The following GDI2 variants were observed in gnomAD, a reference collection of about 807,000 sequenced individuals.
The protein encoded by GDI2 is rab GDP dissociation inhibitor beta.
GDI2 carries 22 observed loss-of-function variants against 54.2 expected under a neutral mutation model. The observed-to-expected ratio is 0.41, with a 90% CI of 0.29 to 0.58. The LOEUF (loss-of-function observed/expected upper bound fraction) is 0.58. GDI2 is among the 20% of genes least tolerant of loss of function. The probability of loss-of-function intolerance (pLI) is 0.35; values close to 1 mark genes in which losing one functional copy is unlikely to be tolerated. For missense variants in GDI2, 422 were observed against 546.0 expected (o/e 0.77, Z 2.26); for synonymous variants, 177 against 182.1 (o/e 0.97, Z 0.23).
chr10:5,776,742 C>T lies in GDI2; in HGVS notation c.720-2801G>A. 2 of 1,510,916 alleles carry T rather than the reference C, an allele frequency of 1.3e-6. No homozygotes were observed. The highest frequency in any genetic ancestry group is 9.2e-7 in the Non-Finnish European group (1 of 1,090,736). 93.6% of individuals were successfully genotyped at this position (1,510,916 alleles called of 1,614,324 possible). The stretch of plus-strand genomic sequence containing the variant: ...GCCTCTTTAACCTGGCAGAAGTTTG[C>T]AGCAAATACCAGGAAAGCCAAGGAC... On this transcript the variant is annotated intron_variant, in intron 6 of 10. Coordinates refer to ENST00000380191, the MANE Select transcript of GDI2 (RefSeq NM_001494.4). The surrounding 1 kb of genome is among the most constrained non-coding windows in gnomAD (Gnocchi z 5.3).
At chr10:5,787,556 A>G (rs1257980103) in intron 4 of GDI2, among the ~76,000 whole-genome samples, 1 of 152,194 alleles carries the variant, frequency 6.6e-6, no homozygotes. Flanking sequence ...GACTACATTT[A>G]ATTTTTTAAA....
At chr10:5,789,281 T>C (rs1169839282) in intron 4 of GDI2, among the ~76,000 whole-genome samples, 2 of 151,698 alleles carry the variant, frequency 1.3e-5, no homozygotes, top group Non-Finnish European at 2.9e-5. Flanking sequence ...CTATTTCTTG[T>C]AGATACAGGG....
chr10:5,792,575 A>G (rs1564395457), intron 4 of GDI2, among the ~76,000 whole-genome samples: 1 of 152,052 alleles, frequency 6.6e-6, no homozygotes, highest in African/African-American at 2.4e-5. Flanking sequence ...TAAGGTAGTG[A>G]TTTGGTCAAA....
rs1443241577 is a variant in GDI2 at position 5,785,292 on chromosome 10, G to A, written c.588-19C>T. On this transcript the variant is annotated intron_variant, in intron 5 of 10. Coordinates refer to ENST00000380191, the MANE Select transcript of GDI2 (RefSeq NM_001494.4). The stretch of plus-strand genomic sequence containing the variant: ...TAAGTAACTGGAAGAAAGGAAATGA[G>A]TATTAGGAAAGGGCTTTAGTTTTCA... 6.4e-7 allele frequency: 1 copy of A among 1,551,298 alleles called. No homozygotes were observed. The highest frequency in any genetic ancestry group is 8.8e-7 in the Non-Finnish European group (1 of 1,132,578).
chr10:5,811,157 C>T (rs1001500905), intron 1 of GDI2, among the ~76,000 whole-genome samples: 2 of 152,130 alleles, frequency 1.3e-5, no homozygotes, highest in African/African-American at 4.8e-5. Context: ...TTCTCATTAT[C>T]AAAATCATCC....
In GDI2 at chr10:5,776,877, G is replaced by C; in HGVS notation, c.720-2936C>G. On this transcript the variant is annotated intron_variant, in intron 6 of 10. Coordinates refer to ENST00000380191, the MANE Select transcript of GDI2 (RefSeq NM_001494.4). This position sits in a 1 kb window ranked among gnomAD's most constrained non-coding sequence, Gnocchi z 5.3. Reference sequence around the variant, plus strand: ...TGAATAATTAAAATGGAAGGCCAGAGAAGAGGGGAGAAGAGGAAATAATGC... The same window carrying C: ...TGAATAATTAAAATGGAAGGCCAGACAAGAGGGGAGAAGAGGAAATAATGC... 1.0e-6 allele frequency: 1 copy of C among 971,940 alleles called. No homozygotes were observed. The highest frequency in any genetic ancestry group is 1.5e-6 in the Non-Finnish European group (1 of 659,678). The allele number at this position is 971,940 out of a possible 1,614,324, so 60.2% of individuals were successfully genotyped here.
At chr10:5,800,103 G>T (rs1486046920) in intron 2 of GDI2, among the ~76,000 whole-genome samples, 3 of 152,144 alleles carry the variant, frequency 2.0e-5, no homozygotes, top group Non-Finnish European at 1.5e-5. Context: ...CAAACCTCAC[G>T]CAGAAAAACA....
intron 7 of GDI2, among the ~76,000 whole-genome samples, chr10:5,770,963 C>CA (rs59686031): frequency 0.21 from 9,642 of 46,028 alleles, 1,324 homozygotes; most frequent in African/African-American, 0.31. Context: ...GAGACTGTCT[C>CA]AAAAAAAAAA....
At chr10:5,805,962 T>C (rs1841370822) in intron 1 of GDI2, among the ~76,000 whole-genome samples, 2 of 152,242 alleles carry the variant, frequency 1.3e-5, no homozygotes. Context: ...ATTTTACTCC[T>C]GGTGGATATT....
At chr10:5,783,135 T>C (rs1254160361) in intron 6 of GDI2, among the ~76,000 whole-genome samples, 1 of 152,178 alleles carries the variant, frequency 6.6e-6, no homozygotes, top group Non-Finnish European at 1.5e-5. Flanking sequence ...GGGAACTTTA[T>C]GGGGTGAGGA....
chr10:5,787,201 G>A (rs1840898537), intron 4 of GDI2, among the ~76,000 whole-genome samples: 2 of 152,274 alleles, frequency 1.3e-5, no homozygotes, highest in African/African-American at 2.4e-5. Flanking sequence ...CAACAAAACT[G>A]AAAATTAAAA....
At chr10:5,785,436 G>A (rs1167566805) in intron 5 of GDI2, among the ~76,000 whole-genome samples, 163 bp from the exon 6 acceptor site, 1 of 152,102 alleles carries the variant, frequency 6.6e-6, no homozygotes, top group African/African-American at 2.4e-5. Context: ...GTGCAGTGGT[G>A]CAATCTCGGC....
intron 7 of GDI2, among the ~76,000 whole-genome samples, chr10:5,769,756 C>G (rs1259163481): frequency 6.6e-6 from 1 of 152,190 alleles, no homozygotes; most frequent in Non-Finnish European, 1.5e-5. Context: ...TATGGAGAAA[C>G]TGGAACTTCT....
intron 4 of GDI2, among the ~76,000 whole-genome samples, chr10:5,792,983 T>G (rs1397575530): frequency 6.7e-6 from 1 of 149,420 alleles, no homozygotes; most frequent in African/African-American, 2.5e-5. Context: ...AAAAAAATTC[T>G]ATTTCTTATT....
intron 1 of GDI2, among the ~76,000 whole-genome samples, 174 bp downstream of exon 1, chr10:5,813,040 G>A (rs908849457): frequency 5.8e-4 from 88 of 152,180 alleles, no homozygotes; most frequent in African/African-American, 2.1e-3. Flanking sequence ...CGCTCGCCCC[G>A]GGACGCGGGG....
intron 6 of GDI2, among the ~76,000 whole-genome samples, chr10:5,781,300 G>A (rs1840748429): frequency 6.7e-6 from 1 of 148,512 alleles, no homozygotes; most frequent in African/African-American, 2.5e-5. Context: ...GACAATAGGA[G>A]AGTATTTCTG....
intron 1 of GDI2, among the ~76,000 whole-genome samples, chr10:5,806,426 AC>A (rs1171117819): frequency 3.3e-5 from 5 of 151,930 alleles, no homozygotes; most frequent in East Asian, 3.9e-4. Context: ...AAACAAAAAA[AC>A]GTTTACTGAT....
In GDI2 at chr10:5,774,270, T is replaced by G. The variant is rs533373788; in HGVS notation, c.720-329A>C. On this transcript the variant is annotated intron_variant, in intron 6 of 10. Coordinates refer to ENST00000380191, the MANE Select transcript of GDI2 (RefSeq NM_001494.4). This position sits in a 1 kb window ranked among gnomAD's most constrained non-coding sequence, Gnocchi z 4.8. ...GTCCACTCCTGCTCTAAAACTTGCC[T>G]CAGTCTCTCCTTCTACCTTATGCCC... Among the ~76,000 whole-genome samples the G allele has an allele frequency of 6.6e-6, 1 of 152,308 alleles. No homozygotes were observed. The highest frequency in any genetic ancestry group is 2.1e-4 in the South Asian group (1 of 4,826).
intron 1 of GDI2, among the ~76,000 whole-genome samples, chr10:5,806,604 C>T (rs1047911073): frequency 2.0e-5 from 3 of 151,882 alleles, no homozygotes; most frequent in Non-Finnish European, 4.4e-5. Flanking sequence ...CTGTGGCCTG[C>T]CTTTTCACTT....
Sources: allele counts gnomAD v4.1 joint callset (sites outside exome capture counted in the v4.1 genomes callset), GRCh38; gene constraint gnomAD v4.1.1; non-coding constraint Gnocchi (gnomAD v3.1); transcripts MANE v1.5; gene names NCBI Gene and HGNC (gene_info 2026-07-23, HGNC 2026-07-21).